LGALS8: variants seen among roughly 807,000 people sequenced by gnomAD.
The protein encoded by LGALS8 is galectin 8.
LGALS8 carries 30 observed loss-of-function variants against 35.9 expected under a neutral mutation model. The observed-to-expected ratio is 0.83, with a 90% CI of 0.62 to 1.13. The LOEUF (loss-of-function observed/expected upper bound fraction) is 1.13. Among genes scored for constraint, LGALS8 ranks in the 50% most tolerant of loss-of-function variants. The pLI is 0.00. For missense variants in LGALS8, 366 were observed against 388.7 expected (o/e 0.94, Z 0.49); for synonymous variants, 138 against 136.1 (o/e 1.01, Z -0.10).
chr1:236,543,919 A>C (rs1662193420), intron 8 of LGALS8, among the ~76,000 whole-genome samples: 1 of 150,508 alleles, frequency 6.6e-6, no homozygotes, highest in African/African-American at 2.4e-5. Context: ...AGAACTCCAG[A>C]GCAGCCCCGT....
intron 1 of LGALS8, chr1:236,524,397 C>T (rs1023810278): frequency 2.2e-6 from 1 of 456,766 alleles, no homozygotes; most frequent in Non-Finnish European, 4.4e-6. Context: ...GCTGCTTTCT[C>T]ACCTGTTCCC....
At chr1:236,540,535 G>A in intron 4 of LGALS8, 29 bp from the exon 5 acceptor site, 1 of 1,513,916 alleles carries the variant, frequency 6.6e-7, no homozygotes, top group Non-Finnish European at 8.9e-7. Context: ...TTGGTGGCGG[G>A]GGGGGCTCTG....
At chr1:236,538,815 G>A (rs951722075) in intron 3 of LGALS8, 64 bp from the exon 4 acceptor site, 1 of 1,133,248 alleles carries the variant, frequency 8.8e-7, no homozygotes, top group East Asian at 2.3e-5. Context: ...AGTGCCTGCT[G>A]GTCCTTTACT....
Position 236,549,278 on chromosome 1 carries a change from T to C in LGALS8, c.*1117T>C, listed in dbSNP as rs1471653220. On this transcript the variant is annotated 3_prime_UTR_variant, in exon 10 of 10. Coordinates refer to ENST00000366584, the MANE Select transcript of LGALS8 (RefSeq NM_201544.4). ...TGTATCAGCAAGTTAAATGGTTCCATTTCTGTGATTTTTCTATTATTTGAG... is the reference window on the plus strand; with the variant it reads ...TGTATCAGCAAGTTAAATGGTTCCACTTCTGTGATTTTTCTATTATTTGAG... 7.0e-6 allele frequency: 2 copies of C among 284,212 alleles called. No individual in the cohort carries two copies. The highest frequency in any genetic ancestry group is 1.3e-5 in the Non-Finnish European group (2 of 154,146). The allele number at this position is 284,212 out of a possible 1,614,324, so 17.6% of individuals were successfully genotyped here. A position where few individuals can be genotyped will look rare whatever the true frequency, so the allele number is the denominator to read the frequency against.
At chr1:236,531,395 C>T (rs1661134582) in intron 2 of LGALS8, among the ~76,000 whole-genome samples, 1 of 152,134 alleles carries the variant, frequency 6.6e-6, no homozygotes. Flanking sequence ...ATGATCTTGG[C>T]TTACTGCAAG....
intron 8 of LGALS8, among the ~76,000 whole-genome samples, chr1:236,543,943 A>G (rs1044974251): frequency 9.0e-6 from 1 of 111,058 alleles, no homozygotes; most frequent in Non-Finnish European, 2.0e-5. Context: ...ATCAGGCAAC[A>G]TCTTTTCTTT....
intron 9 of LGALS8, 158 bp downstream of exon 9, chr1:236,545,073 G>A (rs1341424891): frequency 1.1e-5 from 6 of 541,594 alleles, no homozygotes; most frequent in East Asian, 8.8e-5. Flanking sequence ...TTATAACGTG[G>A]GCAATCAGTA....
chr1:236,535,668 T>C (rs1661443602), intron 2 of LGALS8, among the ~76,000 whole-genome samples: 1 of 152,234 alleles, frequency 6.6e-6, no homozygotes, highest in South Asian at 2.1e-4. Flanking sequence ...CAAAATCAGA[T>C]ACTCTGATGT....
intron 2 of LGALS8, among the ~76,000 whole-genome samples, chr1:236,532,705 G>A (rs939105567): frequency 3.9e-5 from 6 of 152,096 alleles, no homozygotes; most frequent in East Asian, 1.9e-4. Flanking sequence ...TTAGCCAGGC[G>A]TGGTGGCAGG....
chr1:236,547,146 G>A (rs1662415590), intron 9 of LGALS8, among the ~76,000 whole-genome samples: 1 of 152,206 alleles, frequency 6.6e-6, no homozygotes, highest in African/African-American at 2.4e-5. Context: ...CTTCATGGGG[G>A]CGAGGAGCAC....
chr1:236,544,720 AG>A (rs1299407004), intron 8 of LGALS8, 29 bp from the exon 9 acceptor site: 24 of 1,466,644 alleles, frequency 1.6e-5, no homozygotes, highest in East Asian at 2.3e-5. Context: ...TGGTTAATTA[AG>A]GTTTTTTTTT....
chr1:236,535,014 T>A (rs1661384162), intron 2 of LGALS8, among the ~76,000 whole-genome samples: 1 of 127,406 alleles, frequency 7.8e-6, no homozygotes, highest in South Asian at 2.5e-4. Context: ...TGAGCTGAGA[T>A]CACGCCACTG....
upstream of LGALS8, among the ~76,000 whole-genome samples, chr1:236,521,533 A>G (rs548487074): frequency 6.6e-5 from 10 of 152,292 alleles, no homozygotes; most frequent in African/African-American, 2.4e-4. Context: ...ATGAGCAAAA[A>G]TTAGTAGACG....
chr1:236,551,263 A>G lies in LGALS8; in HGVS notation c.*3102A>G, dbSNP rs1227794773. The G allele has an allele frequency of 2.3e-6, 1 of 426,260 alleles. No individual in the cohort carries two copies. The highest frequency in any genetic ancestry group is 2.0e-5 in the African/African-American group (1 of 49,836). 26.4% of individuals were successfully genotyped at this position (426,260 alleles called of 1,614,324 possible). Reference sequence around the variant, plus strand: ...AGGGATGCCACCCCTTTAGTAGCTCACACCTCCCCCCTCCAAGAGCTAAGA... The same window carrying G: ...AGGGATGCCACCCCTTTAGTAGCTCGCACCTCCCCCCTCCAAGAGCTAAGA... On this transcript the variant is annotated 3_prime_UTR_variant, in exon 10 of 10. Coordinates refer to ENST00000366584, the MANE Select transcript of LGALS8 (RefSeq NM_201544.4).
At chr1:236,539,683 G>A (rs1285256503) in intron 4 of LGALS8, among the ~76,000 whole-genome samples, 1 of 152,206 alleles carries the variant, frequency 6.6e-6, no homozygotes, top group Admixed American at 6.5e-5. Flanking sequence ...ATGTACCAAC[G>A]CGAGAGAAGA....
At chr1:236,543,982 T>TC (rs547452992) in intron 8 of LGALS8, among the ~76,000 whole-genome samples, 33 of 151,750 alleles carry the variant, frequency 2.2e-4, no homozygotes, top group African/African-American at 6.5e-4. Context: ...CCTCACTGTG[T>TC]CACCCAGGCT....
Position 236,552,081 on chromosome 1 carries a change from C to T in LGALS8, c.*3920C>T, listed in dbSNP as rs772038858. Reference sequence around the variant, plus strand: ...CCTTTAGTTTTTCAGCCAGTGCTAACACAGTAATCAAAGCAGCAAATCGAA... The same window carrying T: ...CCTTTAGTTTTTCAGCCAGTGCTAATACAGTAATCAAAGCAGCAAATCGAA... On this transcript the variant is annotated 3_prime_UTR_variant, in exon 10 of 10. Coordinates refer to ENST00000366584, the MANE Select transcript of LGALS8 (RefSeq NM_201544.4). 1.9e-6 allele frequency: 3 copies of T among 1,612,716 alleles called. No homozygotes were observed. In the African/African-American group the frequency reaches 4.0e-5, roughly 22 times the overall value.
At chr1:236,531,761 C>T (rs1237518980) in intron 2 of LGALS8, among the ~76,000 whole-genome samples, 2 of 152,208 alleles carry the variant, frequency 1.3e-5, no homozygotes, top group Non-Finnish European at 2.9e-5. Flanking sequence ...TGATTCTTCT[C>T]TCTCCTTTCT....
At chr1:236,522,483 A>G (rs764188642), upstream of LGALS8, among the ~76,000 whole-genome samples, 4 of 152,170 alleles carry the variant, frequency 2.6e-5, no homozygotes, top group Non-Finnish European at 4.4e-5. Context: ...GTGTGCGTCT[A>G]TAGTCCCAGC....
Sources: allele counts gnomAD v4.1 joint callset (sites outside exome capture counted in the v4.1 genomes callset), GRCh38; gene constraint gnomAD v4.1.1; transcripts MANE v1.5; gene names NCBI Gene and HGNC (gene_info 2026-07-23, HGNC 2026-07-21).